The following DOCK10 variants were observed in gnomAD, a reference collection of about 807,000 sequenced individuals.
DOCK10 encodes dedicator of cytokinesis 10.
DOCK10 carries 145 observed loss-of-function variants against 280.1 expected under a neutral mutation model. That is an observed-to-expected ratio of 0.52 (90% CI 0.45 to 0.59). The LOEUF is 0.59. DOCK10 is among the 20% of genes least tolerant of loss of function. The pLI, the probability that DOCK10 is intolerant of heterozygous loss-of-function variation, is 0.00. For missense variants in DOCK10, 2,368 were observed against 2,651.7 expected (o/e 0.89, Z 2.35); for synonymous variants, 915 against 942.2 (o/e 0.97, Z 0.53).
intron 31 of DOCK10, among the ~76,000 whole-genome samples, chr2:224,810,009 G>C (rs199629680): frequency 1.0e-5 from 1 of 96,458 alleles, no homozygotes. Flanking sequence ...AAAAAAAAAA[G>C]AAATCCTACC....
At chr2:224,837,091 T>C (rs1162074564) in intron 25 of DOCK10, among the ~76,000 whole-genome samples, 1 of 152,254 alleles carries the variant, frequency 6.6e-6, no homozygotes, top group African/African-American at 2.4e-5. Context: ...TCTGTATTTC[T>C]GGATGGGTTC....
intron 18 of DOCK10, 56 bp from the exon 19 acceptor site, chr2:224,849,655 G>GA (rs1357933034): frequency 4.1e-5 from 52 of 1,279,590 alleles, no homozygotes; most frequent in South Asian, 9.1e-5. Context: ...ATCCCTGGGT[G>GA]AAAAAAAAGT....
intron 3 of DOCK10, among the ~76,000 whole-genome samples, chr2:224,896,912 G>A (rs1700018814): frequency 1.3e-5 from 2 of 151,900 alleles, no homozygotes; most frequent in African/African-American, 4.8e-5. Flanking sequence ...ATTAAATAGG[G>A]GGAACTATTT....
chr2:224,979,979 A>T (rs941847416), intron 1 of DOCK10, among the ~76,000 whole-genome samples: 2 of 147,462 alleles, frequency 1.4e-5, no homozygotes, highest in Admixed American at 1.4e-4. Context: ...AAAAAAATCA[A>T]TATACAATAC....
intron 3 of DOCK10, among the ~76,000 whole-genome samples, chr2:224,903,274 TA>T (rs1424790846): frequency 6.6e-6 from 1 of 152,222 alleles, no homozygotes; most frequent in Non-Finnish European, 1.5e-5. Flanking sequence ...TTCTGGTTTT[TA>T]AAAAATACTA....
chr2:224,809,821 T>C (rs1241789848), intron 31 of DOCK10, among the ~76,000 whole-genome samples: 2 of 151,974 alleles, frequency 1.3e-5, no homozygotes. Flanking sequence ...TACCATATGA[T>C]CTAGCAATCC....
chr2:224,916,798 T>G lies in DOCK10; in HGVS notation c.244-14A>C. The G allele has an allele frequency of 6.3e-7, 1 of 1,599,030 alleles. No individual in the cohort carries two copies. Among genetic ancestry groups the G allele is most frequent in the Non-Finnish European group, 8.5e-7 (1 of 1,171,346 alleles). The stretch of plus-strand genomic sequence containing the variant: ...AACTGTGGCTGCCTGAAACGAACAA[T>G]GAAAAGAAATTGAGTCCTCCGGCTT... On this transcript the variant is annotated splice_polypyrimidine_tract_variant and intron_variant, in intron 2 of 55. Coordinates refer to ENST00000258390, the MANE Select transcript of DOCK10 (RefSeq NM_014689.3).
At chr2:224,986,367 C>T (rs16866403) in intron 1 of DOCK10, among the ~76,000 whole-genome samples, 15,379 of 152,038 alleles carry the variant, frequency 0.1, 2,480 homozygotes, top group African/African-American at 0.35. Flanking sequence ...TCTGGTGGGT[C>T]CATTTCAGGA....
chr2:224,795,161 T>A, intron 44 of DOCK10, 67 bp from the exon 45 acceptor site: 9 of 1,420,550 alleles, frequency 6.3e-6, no homozygotes, highest in Non-Finnish European at 8.8e-6. Context: ...CTTTAAGTTA[T>A]GCTATTAATT....
rs527431030 is a variant in DOCK10, at chr2:224,889,201, A to G, written c.417-2670T>C. On this transcript the variant is annotated intron_variant, in intron 4 of 55. Transcript: ENST00000258390. ...TTATTTCCTATGTTGATGGTACTCC[A>G]GATAGGAAGGTGAATGATCAGAGCT... Among the ~76,000 whole-genome samples the G allele has an allele frequency of 2.0e-5, 3 of 152,356 alleles. No homozygotes were observed. The East Asian group carries it at 5.8e-4, about 29-fold the overall frequency.
At chr2:224,838,804 A>G (rs905652433) in intron 24 of DOCK10, among the ~76,000 whole-genome samples, 6 of 152,252 alleles carry the variant, frequency 3.9e-5, no homozygotes, top group Non-Finnish European at 8.8e-5. Flanking sequence ...CACTATCTCT[A>G]TAAAGAAGAA....
At chr2:224,895,477 G>A (rs1298251077) in intron 4 of DOCK10, among the ~76,000 whole-genome samples, 1 of 152,146 alleles carries the variant, frequency 6.6e-6, no homozygotes, top group Non-Finnish European at 1.5e-5. Flanking sequence ...TTAAATATGA[G>A]CAACTCCAAA....
chr2:224,992,919 T>C (rs898776895), intron 1 of DOCK10, among the ~76,000 whole-genome samples: 19 of 152,224 alleles, frequency 1.2e-4, no homozygotes, highest in Non-Finnish European at 2.4e-4. Flanking sequence ...GGCTGGACTT[T>C]AAGGTAGAGG....
At chr2:224,933,967 A>G (rs1360789784) in intron 1 of DOCK10, among the ~76,000 whole-genome samples, 2 of 152,172 alleles carry the variant, frequency 1.3e-5, no homozygotes, top group Non-Finnish European at 2.9e-5. Flanking sequence ...TGGTACCCCA[A>G]TGTTACCTAA....
chr2:224,806,286 A>G (rs371347195), intron 33 of DOCK10, 49 bp from the exon 34 acceptor site: 20 of 1,110,620 alleles, frequency 1.8e-5, no homozygotes, highest in Non-Finnish European at 2.4e-5. Context: ...GCATTTCAAC[A>G]TTGTTAACCC....
At chr2:224,797,257 C>A in intron 42 of DOCK10, 111 bp from the exon 43 acceptor site, 1 of 798,012 alleles carries the variant, frequency 1.3e-6, no homozygotes, top group South Asian at 3.2e-5. Flanking sequence ...TTTTTTTTAA[C>A]TTGGTCTATT....
chr2:224,804,616 C>T (rs903799316), intron 38 of DOCK10, among the ~76,000 whole-genome samples, 178 bp downstream of exon 38: 1 of 152,074 alleles, frequency 6.6e-6, no homozygotes, highest in Non-Finnish European at 1.5e-5. Flanking sequence ...ATTCCTAGAT[C>T]TACAATGCGT....
chr2:224,957,745 C>T (rs1039678666), intron 1 of DOCK10, among the ~76,000 whole-genome samples: 1 of 152,212 alleles, frequency 6.6e-6, no homozygotes, highest in African/African-American at 2.4e-5. Context: ...CACTTCTCTA[C>T]ATGTCTCAAA....
chr2:224,871,687 C>T (rs115088327), intron 11 of DOCK10, among the ~76,000 whole-genome samples: 1 of 152,090 alleles, frequency 6.6e-6, no homozygotes, highest in African/African-American at 2.4e-5. Context: ...ATTTGTACTT[C>T]TCTTTCTTCT....
Sources: allele counts gnomAD v4.1 joint callset (sites outside exome capture counted in the v4.1 genomes callset), GRCh38; gene constraint gnomAD v4.1.1; transcripts MANE v1.5; gene names NCBI Gene and HGNC (gene_info 2026-07-23, HGNC 2026-07-21).